ARHGEF37: variants seen among roughly 807,000 people sequenced by gnomAD.
The protein encoded by ARHGEF37 is Rho guanine nucleotide exchange factor (GEF) 37.
Under a neutral mutation model 71.1 loss-of-function variants are expected in ARHGEF37, and 55 were observed. That is an observed-to-expected ratio of 0.77 (90% confidence interval 0.62 to 0.97). The LOEUF (loss-of-function observed/expected upper bound fraction) is 0.97, where lower values mean the gene tolerates loss of function less well. ARHGEF37 is among the 50% of genes least tolerant of loss of function. ARHGEF37 has a pLI of 0.00. For synonymous variants in ARHGEF37, 327 were observed against 350.6 expected (o/e 0.93, Z 0.75); for missense variants, 765 against 836.8 (o/e 0.91, Z 1.06).
intron 1 of ARHGEF37, among the ~76,000 whole-genome samples, chr5:149,574,447 T>A (rs916616315): frequency 6.6e-6 from 1 of 152,236 alleles, no homozygotes; most frequent in Non-Finnish European, 1.5e-5. Flanking sequence ...CACAGGTCTA[T>A]CTGACTGCTC....
intron 1 of ARHGEF37, among the ~76,000 whole-genome samples, chr5:149,593,541 T>A (rs1763467617): frequency 6.6e-6 from 1 of 152,224 alleles, no homozygotes; most frequent in South Asian, 2.1e-4. Flanking sequence ...GGTACCAACA[T>A]GTGCCAGGGA....
Position 149,581,625 on chromosome 5 carries a change from G to GT in ARHGEF37, c.-12+2dup, listed in dbSNP as rs1003320027. ...GCCGGCAGGCACCTTGCGCGCGCGG[G>GT]TGAGTCCGCTGGGCGTTTGGGGCCT... On this transcript the variant is annotated splice_donor_variant, in intron 1 of 12. Transcript: ENST00000333677. LOFTEE classifies it low-confidence loss of function (5UTR_SPLICE). The GT allele has an allele frequency of 2.6e-5, 4 of 152,196 alleles. No homozygotes were observed. Among genetic ancestry groups the GT allele is most frequent in the African/African-American group, 7.2e-5 (3 of 41,466 alleles). 9.4% of individuals were successfully genotyped at this position (152,196 alleles called of 1,614,324 possible).
intron 4 of ARHGEF37, among the ~76,000 whole-genome samples, chr5:149,614,079 T>C (rs1341071042): frequency 7.2e-5 from 11 of 152,020 alleles, no homozygotes; most frequent in Admixed American, 7.2e-4. Context: ...TTTTTTTTAA[T>C]GGCTGCAGAG....
rs113504247 is a variant in ARHGEF37 at position 149,633,963 on chromosome 5, G to C, written c.*1772G>C. 1.3e-5 allele frequency: 2 copies of C among 152,142 alleles called. No individual in the cohort carries two copies. Among genetic ancestry groups the C allele is most frequent in the African/African-American group, 2.4e-5 (1 of 41,422 alleles). The allele number at this position is 152,142 out of a possible 1,614,324, so 9.4% of individuals were successfully genotyped here. A position where few individuals can be genotyped will look rare whatever the true frequency, so the allele number is the denominator to read the frequency against. On this transcript the variant is annotated 3_prime_UTR_variant, in exon 13 of 13. Coordinates refer to ENST00000333677, the MANE Select transcript of ARHGEF37 (RefSeq NM_001001669.3). ...TGCTCAGATTTCTGATAAAAATAGA[G>C]AGCATAGGGGAACAGATAATGAAAT...
At position 149,624,059 on chromosome 5, in the gene ARHGEF37, G is replaced by A. The variant is rs375127384; in HGVS notation, c.1383G>A (p.Glu461=). The change falls in exon 10 of 13, where the codon GAG becomes GAA. Residue 461 remains glutamate, a synonymous_variant. Coordinates refer to ENST00000333677, the MANE Select transcript of ARHGEF37 (RefSeq NM_001001669.3). The stretch of plus-strand genomic sequence containing the variant: ...AGCCTGCCTTCAGGAAGCTGGTGGA[G>A]GACGCACTGGGCCGGACGAGTAACC... ...VPEPAFRKLV[E]DALGRTSNQL... is the part of the protein sequence containing the mutation. 5 of 1,610,188 alleles carry A rather than the reference G, an allele frequency of 3.1e-6. No homozygotes were observed. Among genetic ancestry groups the A allele is most frequent in the Middle Eastern group, 1.7e-4 (1 of 6,050 alleles).
intron 1 of ARHGEF37, among the ~76,000 whole-genome samples, chr5:149,596,796 G>A (rs1275376411): frequency 6.6e-6 from 1 of 152,124 alleles, no homozygotes; most frequent in East Asian, 1.9e-4. Flanking sequence ...GGAGAAGAGC[G>A]CTCAACTCTC....
intron 1 of ARHGEF37, among the ~76,000 whole-genome samples, chr5:149,571,006 A>C (rs1762956490): frequency 6.6e-6 from 1 of 151,988 alleles, no homozygotes; most frequent in South Asian, 2.1e-4. Flanking sequence ...GCAGTAGCAC[A>C]ATCTTGCCTC....
At chr5:149,586,590 C>T (rs1763248220) in intron 1 of ARHGEF37, among the ~76,000 whole-genome samples, 4 of 152,204 alleles carry the variant, frequency 2.6e-5, no homozygotes, top group Middle Eastern at 3.2e-3. Context: ...AAGACCACTC[C>T]ACTCTGATGC....
chr5:149,614,147 T>C (rs1011933749), intron 4 of ARHGEF37, among the ~76,000 whole-genome samples: 5 of 152,160 alleles, frequency 3.3e-5, no homozygotes, highest in Non-Finnish European at 7.3e-5. Context: ...TATTGAAGCA[T>C]ATTTGGGTTG....
At chr5:149,584,622 T>TC (rs1320510878) in intron 1 of ARHGEF37, among the ~76,000 whole-genome samples, 1 of 152,066 alleles carries the variant, frequency 6.6e-6, no homozygotes, top group African/African-American at 2.4e-5. Flanking sequence ...CTTTTTTTTT[T>TC]CTCTTGAGAT....
rs535189888 is a variant in ARHGEF37 at position 149,586,386 on chromosome 5, C to T, written c.-12+4762C>T. ...AAGTGATTCTCCTGCCTCAGCCTCC[C>T]GAGCTGGGACTACAGGCATGCACCA... On this transcript the variant is annotated intron_variant, in intron 1 of 12. Transcript: ENST00000333677. 6.6e-5 allele frequency among the ~76,000 whole-genome samples: 10 copies of T among 152,306 alleles called. No individual in the cohort carries two copies. In the South Asian group the frequency reaches 1.2e-3, roughly 19 times the overall value.
intron 12 of ARHGEF37, 51 bp from the exon 13 acceptor site, chr5:149,631,931 T>G (rs1315192953): frequency 1.9e-6 from 3 of 1,588,016 alleles, no homozygotes; most frequent in Non-Finnish European, 2.6e-6. Context: ...GGATCCAGTC[T>G]GTCTACCTTC....
chr5:149,554,308 C>G (rs957727411), intron 1 of ARHGEF37, among the ~76,000 whole-genome samples: 1 of 152,124 alleles, frequency 6.6e-6, no homozygotes, highest in African/African-American at 2.4e-5. Flanking sequence ...CCAGCCTGAG[C>G]AACAGAGTGA....
At chr5:149,616,911 T>A in intron 5 of ARHGEF37, 145 bp downstream of exon 5, 1 of 834,040 alleles carries the variant, frequency 1.2e-6, no homozygotes. Flanking sequence ...TTAGGTAGGG[T>A]TCGATCAGGG....
rs1185530107 is a variant in ARHGEF37, at chr5:149,591,989, A to G, written c.-11-5770A>G. Among the ~76,000 whole-genome samples, 4 of 152,236 alleles carry G rather than the reference A, an allele frequency of 2.6e-5. No individual in the cohort carries two copies. In the East Asian group the frequency reaches 7.7e-4, roughly 29 times the overall value. On this transcript the variant is annotated intron_variant, in intron 1 of 12. Transcript: ENST00000333677. The stretch of plus-strand genomic sequence containing the variant: ...TTGTAAGTCGAAGAGCATCTGTATA[A>G]TATTTTGCTTTTACATTTTTATTTT...
rs1357765411 is a variant in ARHGEF37, at chr5:149,621,786, C to T, written c.1059C>T (p.Ala353=). Residue 353 remains alanine (A), a synonymous_variant, in exon 9 of 13, where the codon GCC becomes GCT. Transcript: ENST00000333677. ...AGCCACTGTGCAGCCTGGCCAAAGCCCTGCTTGGCCCTCAGAACCTGATCA... is the reference window on the plus strand; with the variant it reads ...AGCCACTGTGCAGCCTGGCCAAAGCTCTGCTTGGCCCTCAGAACCTGATCA... ...VWQPLCSLAK[A]LLGPQNLIKK... 1.9e-6 allele frequency: 3 copies of T among 1,614,124 alleles called. No individual in the cohort carries two copies. The highest frequency in any genetic ancestry group is 1.3e-5 in the African/African-American group (1 of 74,938).
intron 1 of ARHGEF37, among the ~76,000 whole-genome samples, chr5:149,575,633 T>A (rs1404705964): frequency 6.6e-6 from 1 of 151,888 alleles, no homozygotes; most frequent in Non-Finnish European, 1.5e-5. Context: ...TTGTAGTTTT[T>A]GGATAAGTTG....
At chr5:149,566,484 C>G (rs985978149) in intron 1 of ARHGEF37, among the ~76,000 whole-genome samples, 3 of 151,700 alleles carry the variant, frequency 2.0e-5, no homozygotes, top group African/African-American at 4.8e-5. Context: ...GGTGACAGAG[C>G]GAGACTGTCT....
chr5:149,608,560 G>A (rs7701988), intron 3 of ARHGEF37, among the ~76,000 whole-genome samples: 54,081 of 151,258 alleles, frequency 0.36, 11,361 homozygotes, highest in Non-Finnish European at 0.47. Context: ...TTTAGTAAAG[G>A]CAGGGTTTTA....
Sources: gnomAD v4.1 joint callset for allele counts (sites outside exome capture counted in the v4.1 genomes callset) on GRCh38, gnomAD v4.1.1 for gene constraint, MANE v1.5 for transcripts, NCBI Gene and HGNC (gene_info 2026-07-23, HGNC 2026-07-21) for gene names.